Variants in PRKD1 observed in about 807,000 individuals in gnomAD.
PRKD1 encodes the protein serine/threonine-protein kinase D1.
In PRKD1, 63 loss-of-function variants were observed where a neutral mutation model predicts 95.9. The observed-to-expected ratio is 0.66, with a 90% CI of 0.54 to 0.81. The LOEUF (loss-of-function observed/expected upper bound fraction) is 0.81. PRKD1 is among the 30% of genes least tolerant of loss of function. The pLI, the probability that PRKD1 is intolerant of heterozygous loss-of-function variation, is 0.00. For missense variants in PRKD1, 1,048 were observed against 1,165.3 expected (o/e 0.90, Z 1.47); for synonymous variants, 425 against 423.1 (o/e 1.00, Z -0.05).
intron 4 of PRKD1, among the ~76,000 whole-genome samples, chr14:29,657,205 C>A (rs1881905580): frequency 6.6e-6 from 1 of 152,122 alleles, no homozygotes; most frequent in Non-Finnish European, 1.5e-5. Context: ...GAGGTAGTAT[C>A]AATGAAAAAT....
chr14:29,896,845 TA>T (rs1260041816), intron 1 of PRKD1, among the ~76,000 whole-genome samples: 6 of 151,470 alleles, frequency 4.0e-5, no homozygotes, highest in Admixed American at 1.3e-4. Flanking sequence ...AGCAGAAGAA[TA>T]GGGGGTAGGT....
chr14:29,656,411 G>A lies in PRKD1; in HGVS notation c.696+7288C>T, dbSNP rs9989169. On this transcript the variant is annotated intron_variant, in intron 4 of 17. Transcript: ENST00000331968. ...GTACAGACAATTGTCTGATGTCAGC[G>A]TAATATGCTGGTTTGAAAAAGACAG... 4,116 of 1,418,906 alleles carry A rather than the reference G, an allele frequency of 2.9e-3. 99 individuals carry two copies. The African/African-American group carries it at 0.05, about 17-fold the overall frequency. 87.9% of individuals were successfully genotyped at this position (1,418,906 alleles called of 1,614,324 possible). A position where few individuals can be genotyped will look rare whatever the true frequency, so the allele number is the denominator to read the frequency against.
intron 2 of PRKD1, among the ~76,000 whole-genome samples, chr14:29,723,625 G>A (rs1043002291): frequency 2.8e-4 from 42 of 151,824 alleles, no homozygotes; most frequent in African/African-American, 9.4e-4. Context: ...TACTGCTGTC[G>A]ATGGTTATAG....
chr14:29,586,813 TG>T (rs1012484605), intron 16 of PRKD1, among the ~76,000 whole-genome samples: 1 of 152,010 alleles, frequency 6.6e-6, no homozygotes, highest in African/African-American at 2.4e-5. Context: ...TTAGTAGAGA[TG>T]GGGTTTCTCC....
At chr14:29,645,719 C>T (rs564327857) in intron 4 of PRKD1, among the ~76,000 whole-genome samples, 14 of 152,210 alleles carry the variant, frequency 9.2e-5, no homozygotes, top group East Asian at 3.9e-4. Flanking sequence ...ATCCTAGACA[C>T]GCATAACTGT....
At chr14:29,684,398 A>G (rs1369376920) in intron 2 of PRKD1, among the ~76,000 whole-genome samples, 1 of 152,188 alleles carries the variant, frequency 6.6e-6, no homozygotes, top group African/African-American at 2.4e-5. Context: ...ACATTTAGTT[A>G]TATGTCATGT....
chr14:29,798,257 C>G (rs532764525), intron 1 of PRKD1, among the ~76,000 whole-genome samples: 2 of 152,266 alleles, frequency 1.3e-5, no homozygotes, highest in South Asian at 2.1e-4. Context: ...TGCAGTTCCA[C>G]GCAGTTCCAC....
At chr14:29,775,645 G>A (rs947167684) in intron 1 of PRKD1, among the ~76,000 whole-genome samples, 4 of 152,172 alleles carry the variant, frequency 2.6e-5, no homozygotes, top group African/African-American at 9.7e-5. Flanking sequence ...CAAAGCAGCT[G>A]CGAAGCTCAA....
chr14:29,855,000 G>C (rs372151768), intron 1 of PRKD1, among the ~76,000 whole-genome samples: 105 of 152,362 alleles, frequency 6.9e-4, no homozygotes, highest in African/African-American at 2.4e-3. Flanking sequence ...GATGTATAAA[G>C]ACGCCTGGAT....
intron 4 of PRKD1, among the ~76,000 whole-genome samples, chr14:29,662,673 G>A (rs889388369): frequency 6.6e-5 from 10 of 151,894 alleles, no homozygotes; most frequent in African/African-American, 2.4e-4. Flanking sequence ...TATAAAGATC[G>A]TGATCACAAT....
intron 1 of PRKD1, among the ~76,000 whole-genome samples, chr14:29,848,745 C>T (rs12323862): frequency 0.17 from 26,041 of 151,972 alleles, 2,618 homozygotes; most frequent in East Asian, 0.28. Flanking sequence ...AAACTGTCTG[C>T]AAAAAACACC....
At chr14:29,599,584 A>G in intron 14 of PRKD1, 72 bp downstream of exon 14, 1 of 1,428,002 alleles carries the variant, frequency 7.0e-7, no homozygotes, top group Non-Finnish European at 9.6e-7. Flanking sequence ...CAAGGCTAGA[A>G]AGCTGTAGTT....
chr14:29,924,069 A>C (rs911566192), intron 1 of PRKD1, among the ~76,000 whole-genome samples: 1 of 152,180 alleles, frequency 6.6e-6, no homozygotes, highest in Non-Finnish European at 1.5e-5. Flanking sequence ...ATATCTTTAT[A>C]TACAACCAGG....
chr14:29,793,300 G>A (rs1378751288), intron 1 of PRKD1, among the ~76,000 whole-genome samples: 1 of 151,580 alleles, frequency 6.6e-6, no homozygotes, highest in African/African-American at 2.4e-5. Flanking sequence ...AATGTCCACA[G>A]GAAAAAACAA....
chr14:29,704,743 T>C (rs1476269476), intron 2 of PRKD1, among the ~76,000 whole-genome samples: 2 of 152,178 alleles, frequency 1.3e-5, no homozygotes, highest in African/African-American at 4.8e-5. Flanking sequence ...AATGACTTCA[T>C]ACTTATGCAC....
intron 1 of PRKD1, among the ~76,000 whole-genome samples, chr14:29,748,472 C>T (rs1042224339): frequency 7.9e-5 from 12 of 152,250 alleles, no homozygotes; most frequent in Admixed American, 2.6e-4. Context: ...GGAATTAATC[C>T]GTATCACCAC....
intron 16 of PRKD1, among the ~76,000 whole-genome samples, chr14:29,586,862 T>C (rs528359239): frequency 7.9e-5 from 12 of 152,130 alleles, no homozygotes; most frequent in Non-Finnish European, 1.8e-4. Flanking sequence ...CTACCTCACA[T>C]GATCTGCCCA....
intron 2 of PRKD1, among the ~76,000 whole-genome samples, chr14:29,722,668 T>C (rs867438461): frequency 2.6e-5 from 4 of 152,290 alleles, no homozygotes; most frequent in Middle Eastern, 6.8e-3. Context: ...GAACAATAGT[T>C]AGGCCAGGTG....
At chr14:29,698,739 A>T (rs1031595276) in intron 2 of PRKD1, among the ~76,000 whole-genome samples, 2 of 151,988 alleles carry the variant, frequency 1.3e-5, no homozygotes, top group Non-Finnish European at 2.9e-5. Flanking sequence ...AGTCTTGACA[A>T]CTGACTTAAT....
Sources: gnomAD v4.1 joint callset for allele counts (sites outside exome capture counted in the v4.1 genomes callset) on GRCh38, gnomAD v4.1.1 for gene constraint, MANE v1.5 for transcripts, NCBI Gene and HGNC (gene_info 2026-07-23, HGNC 2026-07-21) for gene names.